Variants in ZNF841 observed in about 807,000 individuals in gnomAD.
ZNF841 encodes TCONS_00006091.
ZNF841 carries 11 observed loss-of-function variants against 13.0 expected under a neutral mutation model. The observed-to-expected ratio is 0.85, with a 90% CI of 0.53 to 1.40. ZNF841 has a LOEUF of 1.40. Among genes scored for constraint, ZNF841 ranks in the 40% most tolerant of loss-of-function variants. The probability of loss-of-function intolerance (pLI) is 0.00; values close to 1 mark genes in which losing one functional copy is unlikely to be tolerated. For missense variants in ZNF841, 1,068 were observed against 1,139.5 expected, an observed-to-expected ratio of 0.94 and a Z score of 0.90; for synonymous variants, 369 against 381.6, an observed-to-expected ratio of 0.97 and a Z score of 0.38.
downstream of ZNF841, among the ~76,000 whole-genome samples, chr19:52,064,140 C>A (rs2123190413): frequency 6.6e-6 from 1 of 151,302 alleles, no homozygotes; most frequent in East Asian, 2.0e-4. Flanking sequence ...GTCAGGAGAT[C>A]GAGACCATCC....
chr19:52,072,614 G>T (rs936184691), intron 6 of ZNF841, among the ~76,000 whole-genome samples: 1 of 152,142 alleles, frequency 6.6e-6, no homozygotes, highest in Admixed American at 6.5e-5. Context: ...GGCTGAGGCA[G>T]GTGGATCACC....
In ZNF841 at chr19:52,065,548, TGAGCGATA is replaced by T; in HGVS notation, c.2326_2333del (p.Tyr776ArgfsTer18). On this transcript the variant is annotated frameshift_variant, in exon 7 of 7. Coordinates refer to ENST00000594440, the MANE Select transcript of ZNF841 (RefSeq NM_001136499.2). LOFTEE classifies it low-confidence loss of function (END_TRUNC). ...GAATACTCCAATGACGTGCGAGGCC[TGAGCGATA>T]ACGGAAGACCTTGCCACATTCATTA... 1 of 1,614,092 alleles carries T rather than the reference TGAGCGATA, an allele frequency of 6.2e-7. No individual in the cohort carries two copies. The highest frequency in any genetic ancestry group is 1.7e-5 in the Admixed American group (1 of 60,014).
chr19:52,081,673 G>C (rs973372594), intron 4 of ZNF841, among the ~76,000 whole-genome samples: 1 of 152,142 alleles, frequency 6.6e-6, no homozygotes, highest in African/African-American at 2.4e-5. Context: ...GGGCAACATG[G>C]CAAAATCCCA....
At chr19:52,079,431 T>TAAAAAAAAAAAAAAAAA (rs35306980) in intron 4 of ZNF841, among the ~76,000 whole-genome samples, 1 of 83,204 alleles carries the variant, frequency 1.2e-5, no homozygotes, top group Non-Finnish European at 2.5e-5. Flanking sequence ...AGGAAATCTG[T>TAAAAAAAAAAAAAAAAA]AAAAAAAAAA....
intron 6 of ZNF841, among the ~76,000 whole-genome samples, chr19:52,075,730 A>G (rs1333536802): frequency 1.3e-5 from 2 of 152,208 alleles, no homozygotes; most frequent in African/African-American, 2.4e-5. Flanking sequence ...AGGAGAGACC[A>G]CACGGGAAAG....
rs776687691 is a variant in ZNF841, at chr19:52,066,477, G to A, written c.1405C>T (p.Arg469Cys). The A allele has an allele frequency of 2.0e-5, 33 of 1,611,106 alleles. No individual in the cohort carries two copies. The East Asian group carries it at 4.3e-4, about 21-fold the overall frequency. ...CNECGKVFFQRSRLAGHRRIH... is the reference protein window; with the variant it reads ...CNECGKVFFQCSRLAGHRRIH... ...CTCCGGTGCCCTGCAAGACGTGAAC[G>A]TTGAAAGAAGACCTTGCCACATTCA... is the stretch of plus-strand genomic sequence containing the variant. The change falls in exon 7 of 7, where the codon CGT (arginine) becomes TGT (cysteine). Residue 469 changes from arginine (R) to cysteine (C), a missense_variant. Coordinates refer to ENST00000594440, the MANE Select transcript of ZNF841 (RefSeq NM_001136499.2).
At chr19:52,069,975 A>C (rs1248004002) in intron 6 of ZNF841, among the ~76,000 whole-genome samples, 1 of 152,236 alleles carries the variant, frequency 6.6e-6, no homozygotes, top group Non-Finnish European at 1.5e-5. Flanking sequence ...CAATATTCTA[A>C]GCTAGCTAAC....
At position 52,066,616 on chromosome 19, in the gene ZNF841, G is replaced by T. The variant is rs761440475; in HGVS notation, c.1266C>A (p.Ile422=). The change falls in exon 7 of 7, where the codon ATC becomes ATA. Residue 422 remains isoleucine (I), a synonymous_variant. Transcript: ENST00000594440. ...RNSSLTAHHI[I]HAGKKPYTCD... ...ATGTATATGGTTTCTTTCCTGCATG[G>T]ATTATATGATGTGCAGTGAGGCTTG... The T allele has an allele frequency of 6.2e-7, 1 of 1,613,310 alleles. No homozygotes were observed. The highest frequency in any genetic ancestry group is 1.7e-5 in the Admixed American group (1 of 59,864).
At chr19:52,082,057 A>C (rs2088117633) in intron 4 of ZNF841, among the ~76,000 whole-genome samples, 1 of 152,210 alleles carries the variant, frequency 6.6e-6, no homozygotes, top group Non-Finnish European at 1.5e-5. Context: ...GGAAACCATC[A>C]AGCATCAAGA....
chr19:52,087,998 A>G (rs1330607960), intron 3 of ZNF841, among the ~76,000 whole-genome samples: 3 of 151,364 alleles, frequency 2.0e-5, no homozygotes, highest in Non-Finnish European at 4.4e-5. Context: ...ATGCATCCAA[A>G]ATGCATCTAT....
chr19:52,061,545 C>T (rs1249291670), downstream of ZNF841, among the ~76,000 whole-genome samples: 1 of 151,900 alleles, frequency 6.6e-6, no homozygotes, highest in Non-Finnish European at 1.5e-5. Flanking sequence ...ATCCCCCCCA[C>T]TCTTACTTTT....
intron 4 of ZNF841, among the ~76,000 whole-genome samples, chr19:52,082,848 A>G (rs968115648): frequency 4.6e-5 from 7 of 152,188 alleles, no homozygotes; most frequent in African/African-American, 9.6e-5. Flanking sequence ...TGGGAGGCTG[A>G]GGCAGGCGGA....
At chr19:52,080,002 A>C (rs1277305248) in intron 4 of ZNF841, among the ~76,000 whole-genome samples, 1 of 151,702 alleles carries the variant, frequency 6.6e-6, no homozygotes, top group Non-Finnish European at 1.5e-5. Context: ...AGGGAAAAAA[A>C]AAAAAAAAAA....
chr19:52,068,813 A>G (rs113811002), intron 6 of ZNF841, among the ~76,000 whole-genome samples: 3 of 152,220 alleles, frequency 2.0e-5, no homozygotes, highest in African/African-American at 7.2e-5. Context: ...TCTACTAAAA[A>G]TATAAAACAT....
rs1281605557 is a variant in ZNF841, at chr19:52,095,685, G to A, written c.-380C>T. On this transcript the variant is annotated 5_prime_UTR_variant, in exon 1 of 7. Transcript: ENST00000594440. ...CACGTTTAATCAAGGTAGACGAAGA[G>A]AAGCAAACGTTTAATCCAGGTAGAC... The A allele has an allele frequency of 6.6e-6, 1 of 152,296 alleles. No individual in the cohort carries two copies. The highest frequency in any genetic ancestry group is 1.5e-5 in the Non-Finnish European group (1 of 68,110). The allele number at this position is 152,296 out of a possible 1,614,324, so 9.4% of individuals were successfully genotyped here. A position where few individuals can be genotyped will look rare whatever the true frequency, so the allele number is the denominator to read the frequency against.
chr19:52,084,654 G>A (rs11084141), intron 4 of ZNF841, 133 bp downstream of exon 4: 181,815 of 933,802 alleles, frequency 0.19, 19,618 homozygotes, highest in East Asian at 0.36. Flanking sequence ...GAGAGGGACT[G>A]AAGGAAGGCA....
chr19:52,062,871 ATTTTTTT>A (rs34996737), downstream of ZNF841, among the ~76,000 whole-genome samples: 1 of 120,142 alleles, frequency 8.3e-6, no homozygotes, highest in Non-Finnish European at 1.7e-5. Context: ...CTGTTGAGAA[ATTTTTTT>A]TTTTTTTTTT....
chr19:52,066,453 T>C lies in ZNF841; in HGVS notation c.1429A>G (p.Arg477Gly), dbSNP rs777480080. Residue 477 changes from arginine to glycine, a missense_variant, in exon 7 of 7, where the codon AGA (arginine) becomes GGA (glycine). Transcript: ENST00000594440. ...TAGGGTTTCTCTCCAGTATGAATTC[T>C]CCGGTGCCCTGCAAGACGTGAACGT... ...FQRSRLAGHR[R>G]IHTGEKPYKC... 1.2e-6 allele frequency: 2 copies of C among 1,614,072 alleles called. No individual in the cohort carries two copies. The highest frequency in any genetic ancestry group is 2.2e-5 in the South Asian group (2 of 91,078).
In ZNF841 at chr19:52,065,998, G is replaced by A. The variant is rs568433450; in HGVS notation, c.1884C>T (p.Asn628=). 19 of 1,612,618 alleles carry A rather than the reference G, an allele frequency of 1.2e-5. No individual in the cohort carries two copies. The highest frequency in any genetic ancestry group is 2.2e-5 in the South Asian group (2 of 91,010). The change falls in exon 7 of 7, where the codon AAC becomes AAT. Residue 628 remains asparagine, a synonymous_variant. Transcript: ENST00000594440. ...SHTGEKPFQC[N]ECGKVFSYYS... The stretch of plus-strand genomic sequence containing the variant: ...AGTAACTGAAGACCTTGCCGCATTC[G>A]TTACACTGGAAAGGTTTCTCTCCGG...
Sources: gnomAD v4.1 joint callset for allele counts (sites outside exome capture counted in the v4.1 genomes callset) on GRCh38, gnomAD v4.1.1 for gene constraint, MANE v1.5 for transcripts, NCBI Gene and HGNC (gene_info 2026-07-23, HGNC 2026-07-21) for gene names.